IQGAP2: variants seen among roughly 807,000 people sequenced by gnomAD.
IQGAP2 encodes ras GTPase-activating-like protein IQGAP2.
Under a neutral mutation model 201.3 loss-of-function variants are expected in IQGAP2, and 173 were observed. The observed-to-expected ratio is 0.86, with a 90% CI of 0.76 to 0.98. The LOEUF (loss-of-function observed/expected upper bound fraction) is 0.98. IQGAP2 is among the 50% of genes least tolerant of loss of function. IQGAP2 has a pLI of 0.00. For missense variants in IQGAP2, 1,687 were observed against 1,864.8 expected, an observed-to-expected ratio of 0.90 and a Z score of 1.76; for synonymous variants, 675 against 673.9, an observed-to-expected ratio of 1.00 and a Z score of -0.03.
chr5:76,439,254 G>C (rs1752890404), intron 1 of IQGAP2, among the ~76,000 whole-genome samples: 1 of 151,866 alleles, frequency 6.6e-6, no homozygotes, highest in Admixed American at 6.6e-5. Flanking sequence ...ACTGAGACTT[G>C]TGGACTATCA....
intron 12 of IQGAP2, among the ~76,000 whole-genome samples, chr5:76,610,076 C>CTCTCTCTA (rs1326468006): frequency 1.1e-4 from 2 of 18,700 alleles, no homozygotes; most frequent in Non-Finnish European, 1.9e-4. Flanking sequence ...CTCTCTCTCT[C>CTCTCTCTA]TATATATATA....
Position 76,674,649 on chromosome 5 carries a change from G to A in IQGAP2, c.3467G>A (p.Gly1156Glu). Residue 1156 changes from glycine to glutamate, a missense_variant, in exon 27 of 36, where the codon GGA (glycine) becomes GAA (glutamate). Gly to Glu is a moderately conservative substitution (Grantham distance 98). Transcript: ENST00000274364. ...GCAGCCTCCAACAAGCTGTTTGAAG[G>A]AGAAAATGAGCATCTCTCATCTATG... ...QHAASNKLFEGENEHLSSMNN... is the reference protein window; with the variant it reads ...QHAASNKLFEEENEHLSSMNN... 1 of 1,614,154 alleles carries A rather than the reference G, an allele frequency of 6.2e-7. No homozygotes were observed. The highest frequency in any genetic ancestry group is 8.5e-7 in the Non-Finnish European group (1 of 1,180,008).
chr5:76,510,721 C>T (rs1045762802), intron 2 of IQGAP2: 7 of 527,414 alleles, frequency 1.3e-5, no homozygotes, highest in Admixed American at 7.8e-5. Context: ...ATTTCACCCT[C>T]TCGGACCTAA....
chr5:76,517,230 A>G (rs1429286444), intron 2 of IQGAP2, among the ~76,000 whole-genome samples: 1 of 152,168 alleles, frequency 6.6e-6, no homozygotes, highest in African/African-American at 2.4e-5. Flanking sequence ...TTTACTTTAT[A>G]TATCATCAGA....
At chr5:76,492,925 T>C (rs115266900) in intron 2 of IQGAP2, among the ~76,000 whole-genome samples, 3,466 of 152,194 alleles carry the variant, frequency 0.023, 113 homozygotes, top group African/African-American at 0.077. Flanking sequence ...GGAAAATCCA[T>C]AGGAGGTGAT....
intron 2 of IQGAP2, among the ~76,000 whole-genome samples, chr5:76,473,593 G>T (rs1031538711): frequency 1.3e-5 from 2 of 152,014 alleles, no homozygotes; most frequent in African/African-American, 4.8e-5. Context: ...CTCCCACCTT[G>T]GCCTCCCAAA....
At chr5:76,523,884 TCCA>T (rs1758825827) in intron 2 of IQGAP2, among the ~76,000 whole-genome samples, 1 of 152,154 alleles carries the variant, frequency 6.6e-6, no homozygotes, top group Non-Finnish European at 1.5e-5. Flanking sequence ...ATCCGTACTC[TCCA>T]CCTCGGACAC....
In IQGAP2 at chr5:76,588,899, CT is replaced by C; in HGVS notation, c.459-4del. On this transcript the variant is annotated splice_region_variant and splice_polypyrimidine_tract_variant and intron_variant, in intron 5 of 35. Transcript: ENST00000274364. ...ATTTCTGATAATTTTGTGTTTTTTT[CT>C]TTCAGTTTGTATCTGTTCAAACTAG... 1 of 1,567,620 alleles carries C rather than the reference CT, an allele frequency of 6.4e-7. No homozygotes were observed. The highest frequency in any genetic ancestry group is 1.8e-5 in the Admixed American group (1 of 55,330).
intron 5 of IQGAP2, among the ~76,000 whole-genome samples, chr5:76,580,267 C>T (rs556017524): frequency 6.8e-6 from 1 of 146,524 alleles, no homozygotes; most frequent in South Asian, 2.2e-4. Flanking sequence ...CAGAGGGAGA[C>T]TCCATCTCAA....
chr5:76,477,299 C>G (rs937791770), intron 2 of IQGAP2, among the ~76,000 whole-genome samples: 6 of 152,174 alleles, frequency 3.9e-5, no homozygotes, highest in African/African-American at 1.4e-4. Flanking sequence ...AGTGATCACA[C>G]CACTGCACTC....
intron 1 of IQGAP2, among the ~76,000 whole-genome samples, chr5:76,434,217 G>A (rs1752530731): frequency 6.6e-6 from 1 of 152,118 alleles, no homozygotes; most frequent in African/African-American, 2.4e-5. Flanking sequence ...CAATAGCTTT[G>A]GGGGTACAAG....
chr5:76,573,759 G>A (rs1042901170), intron 4 of IQGAP2, among the ~76,000 whole-genome samples: 6 of 151,152 alleles, frequency 4.0e-5, no homozygotes, highest in African/African-American at 1.2e-4. Context: ...CTATAGGTGT[G>A]CTCCACCATG....
At chr5:76,464,825 A>G (rs961803727) in intron 2 of IQGAP2, among the ~76,000 whole-genome samples, 1 of 152,200 alleles carries the variant, frequency 6.6e-6, no homozygotes, top group Non-Finnish European at 1.5e-5. Flanking sequence ...GGAAATTGAC[A>G]AATTCCTAGA....
At chr5:76,704,021 T>A (rs1405405540) in intron 35 of IQGAP2, among the ~76,000 whole-genome samples, 2 of 152,192 alleles carry the variant, frequency 1.3e-5, no homozygotes, top group African/African-American at 4.8e-5. Context: ...ATGGGTTTGA[T>A]AAGGACATTG....
intron 20 of IQGAP2, among the ~76,000 whole-genome samples, chr5:76,655,402 C>T (rs1474156240): frequency 6.6e-6 from 1 of 152,074 alleles, no homozygotes; most frequent in Non-Finnish European, 1.5e-5. Flanking sequence ...CTGCAAATAT[C>T]TTCCTACAAT....
intron 11 of IQGAP2, among the ~76,000 whole-genome samples, chr5:76,601,475 A>G (rs1343095808): frequency 3.9e-5 from 6 of 152,218 alleles, no homozygotes; most frequent in Non-Finnish European, 8.8e-5. Flanking sequence ...AACAACATCC[A>G]TTTATCTTTC....
rs531968280 is a variant in IQGAP2, at chr5:76,434,999, T to C, written c.47-26571T>C. Among the ~76,000 whole-genome samples the C allele has an allele frequency of 9.2e-5, 14 of 152,278 alleles. No homozygotes were observed. The South Asian group carries it at 2.9e-3, about 32-fold the overall frequency. ...GTGTTTGTTGGCCATTTTTATATTT[T>C]CTTTTGAGAAATGTCTACGCATGTC... On this transcript the variant is annotated intron_variant, in intron 1 of 35. Transcript: ENST00000274364.
At chr5:76,659,060 T>C (rs1192112316) in intron 21 of IQGAP2, among the ~76,000 whole-genome samples, 7 of 152,224 alleles carry the variant, frequency 4.6e-5, no homozygotes, top group African/African-American at 1.7e-4. Flanking sequence ...TTATGTTGTT[T>C]GTGGTTATAT....
intron 1 of IQGAP2, among the ~76,000 whole-genome samples, chr5:76,429,308 C>T (rs2150089116): frequency 6.6e-6 from 1 of 151,698 alleles, no homozygotes; most frequent in South Asian, 2.1e-4. Flanking sequence ...CGTGGTGGCT[C>T]ACACCTGTAA....
Sources: gnomAD v4.1 joint callset for allele counts (sites outside exome capture counted in the v4.1 genomes callset) on GRCh38, gnomAD v4.1.1 for gene constraint, MANE v1.5 for transcripts, NCBI Gene and HGNC (gene_info 2026-07-23, HGNC 2026-07-21) for gene names.